Variants in COL19A1 observed in about 807,000 individuals in gnomAD.
The protein encoded by COL19A1 is collagen type XIX alpha 1 chain.
A neutral mutation model predicts 190.2 loss-of-function variants in COL19A1; 159 were observed. The observed-to-expected ratio is 0.84, with a 90% CI of 0.73 to 0.95. The LOEUF is 0.95. Among genes scored for constraint, COL19A1 ranks in the 40% least tolerant of loss-of-function variants. The pLI is 0.00. For missense variants in COL19A1, 1,418 were observed against 1,431.9 expected, an observed-to-expected ratio of 0.99 and a Z score of 0.16; for synonymous variants, 509 against 458.9, an observed-to-expected ratio of 1.11 and a Z score of -1.39.
At chr6:69,943,731 T>C (rs1314918756) in intron 9 of COL19A1, among the ~76,000 whole-genome samples, 2 of 152,200 alleles carry the variant, frequency 1.3e-5, no homozygotes, top group East Asian at 1.9e-4. Flanking sequence ...TATTTATGGG[T>C]TCTCTAGTGT....
intron 4 of COL19A1, among the ~76,000 whole-genome samples, chr6:69,920,384 A>G (rs1771613549): frequency 6.6e-6 from 1 of 152,178 alleles, no homozygotes; most frequent in African/African-American, 2.4e-5. Context: ...AGAATGTCAG[A>G]GAGCAGATGC....
intron 4 of COL19A1, among the ~76,000 whole-genome samples, chr6:69,927,065 C>A (rs1488941652): frequency 1.3e-5 from 2 of 151,830 alleles, no homozygotes; most frequent in African/African-American, 4.8e-5. Context: ...TTAAAAAAAC[C>A]CAGAATTTGA....
chr6:69,994,873 G>T (rs1776812677), intron 11 of COL19A1, among the ~76,000 whole-genome samples: 1 of 152,076 alleles, frequency 6.6e-6, no homozygotes, highest in Non-Finnish European at 1.5e-5. Context: ...TCAGAAATGA[G>T]CCTATGTTAG....
In COL19A1 at chr6:70,055,395, T is replaced by TAA. The variant is rs796348302; in HGVS notation, c.1171-13016_1171-13015dup. Among the ~76,000 whole-genome samples, 326 of 143,976 alleles carry TAA rather than the reference T, an allele frequency of 2.3e-3. 1 individual carries two copies. Among genetic ancestry groups the TAA allele is most frequent in the African/African-American group, 7.9e-3 (315 of 39,946 alleles). The allele number at this position is 143,976 out of a possible 152,430, so 94.5% of individuals were successfully genotyped here. A position where few individuals can be genotyped will look rare whatever the true frequency, so the allele number is the denominator to read the frequency against. On this transcript the variant is annotated intron_variant, in intron 14 of 50. Coordinates refer to ENST00000620364, the MANE Select transcript of COL19A1 (RefSeq NM_001858.6). ...TTCATTTCCATATTGCTTGTAATAGTAAAAAAAAAAAAATAGAGACAACCT... is the reference window on the plus strand; with the variant it reads ...TTCATTTCCATATTGCTTGTAATAGTAAAAAAAAAAAAAAATAGAGACAACCT...
chr6:70,097,011 C>T (rs1783318022), intron 15 of COL19A1, among the ~76,000 whole-genome samples: 1 of 152,144 alleles, frequency 6.6e-6, no homozygotes, highest in Non-Finnish European at 1.5e-5. Context: ...TGCATATCAT[C>T]CTTTAAGTCC....
At chr6:69,941,750 G>A (rs1773480504) in intron 9 of COL19A1, among the ~76,000 whole-genome samples, 1 of 149,272 alleles carries the variant, frequency 6.7e-6, no homozygotes, top group Non-Finnish European at 1.5e-5. Context: ...GTGCAATGGT[G>A]CAATCCCTGT....
chr6:70,025,707 A>G (rs984677380), intron 12 of COL19A1, among the ~76,000 whole-genome samples: 1 of 152,244 alleles, frequency 6.6e-6, no homozygotes, highest in Non-Finnish European at 1.5e-5. Context: ...GAATCCTAGT[A>G]CTTAGCACAT....
chr6:70,114,437 G>C (rs1193035696), intron 16 of COL19A1, among the ~76,000 whole-genome samples: 1 of 152,154 alleles, frequency 6.6e-6, no homozygotes. Flanking sequence ...TTAGTCTTTT[G>C]TTATGTGTAA....
At chr6:70,017,816 A>C (rs531953355) in intron 11 of COL19A1, among the ~76,000 whole-genome samples, 2 of 152,266 alleles carry the variant, frequency 1.3e-5, no homozygotes, top group East Asian at 3.9e-4. Context: ...AGGAAGAAAA[A>C]GACTAAAAGG....
At chr6:69,872,170 A>C (rs974133458) in intron 1 of COL19A1, among the ~76,000 whole-genome samples, 1 of 151,778 alleles carries the variant, frequency 6.6e-6, no homozygotes, top group African/African-American at 2.4e-5. Context: ...TTTGTTTTTC[A>C]TTTTAACTCT....
At chr6:70,061,898 T>G (rs1780852578) in intron 14 of COL19A1, among the ~76,000 whole-genome samples, 1 of 152,160 alleles carries the variant, frequency 6.6e-6, no homozygotes, top group Admixed American at 6.6e-5. Context: ...TTGTTATATT[T>G]GAATTTCAAA....
At chr6:69,915,046 T>C (rs73746815) in intron 4 of COL19A1, among the ~76,000 whole-genome samples, 2,272 of 152,330 alleles carry the variant, frequency 0.015, 72 homozygotes, top group African/African-American at 0.051. Flanking sequence ...TAGCTTGGTT[T>C]ATCCTTTCCT....
At chr6:70,180,227 A>T (rs1051738965) in intron 42 of COL19A1, 85 bp from the exon 43 acceptor site, 2 of 1,499,644 alleles carry the variant, frequency 1.3e-6, no homozygotes. Flanking sequence ...AGCACTATAA[A>T]CTCAATTGGG....
intron 1 of COL19A1, among the ~76,000 whole-genome samples, chr6:69,877,720 T>A (rs1465114102): frequency 6.6e-6 from 1 of 151,946 alleles, no homozygotes; most frequent in Non-Finnish European, 1.5e-5. Flanking sequence ...ACAACTGGAT[T>A]AAAAAAATGG....
chr6:69,939,820 A>G (rs1281017220), intron 9 of COL19A1, among the ~76,000 whole-genome samples: 1 of 152,126 alleles, frequency 6.6e-6, no homozygotes, highest in Non-Finnish European at 1.5e-5. Context: ...CAGACTCTCC[A>G]TACATAAGTT....
intron 11 of COL19A1, among the ~76,000 whole-genome samples, chr6:69,996,278 C>T (rs1307188819): frequency 2.0e-5 from 3 of 152,092 alleles, no homozygotes; most frequent in African/African-American, 7.2e-5. Context: ...TAGAGGCAGA[C>T]ATGTGATTAG....
At chr6:69,898,892 G>A (rs1210650151) in intron 2 of COL19A1, 56 bp from the exon 3 acceptor site, 6 of 994,692 alleles carry the variant, frequency 6.0e-6, no homozygotes, top group Middle Eastern at 2.2e-4. Flanking sequence ...ATTGTACTGT[G>A]TAATTAAAAT....
Position 70,144,948 on chromosome 6 carries a change from G to T in COL19A1, c.1711G>T (p.Gly571Trp), listed in dbSNP as rs150657474. Residue 571 changes from glycine (G) to tryptophan (W), a missense_variant, in exon 25 of 51, where the codon GGG becomes TGG. Physicochemically the swap from Gly to Trp is radical, Grantham distance 184 (BLOSUM62 -2). Coordinates refer to ENST00000620364, the MANE Select transcript of COL19A1 (RefSeq NM_001858.6). ...TCCGGGTGGGATCATAGGCCCTCCC[G>T]GGCTTCCAGGTCCAAAAGGTGAGGC... is the stretch of plus-strand genomic sequence containing the variant. Reference protein sequence around the residue: ...GDPGGIIGPPGLPGPKGEAGP... With the variant: ...GDPGGIIGPPWLPGPKGEAGP... 6.3e-7 allele frequency: 1 copy of T among 1,589,940 alleles called. No individual in the cohort carries two copies. Among genetic ancestry groups the T allele is most frequent in the East Asian group, 2.3e-5 (1 of 43,962 alleles).
chr6:70,020,749 C>T (rs191968483), intron 11 of COL19A1, among the ~76,000 whole-genome samples: 1 of 152,146 alleles, frequency 6.6e-6, no homozygotes, highest in East Asian at 1.9e-4. Flanking sequence ...ATGATACTAA[C>T]CATCCTACAA....
Sources: gnomAD v4.1 joint callset for allele counts (sites outside exome capture counted in the v4.1 genomes callset) on GRCh38, gnomAD v4.1.1 for gene constraint, MANE v1.5 for transcripts, NCBI Gene and HGNC (gene_info 2026-07-23, HGNC 2026-07-21) for gene names.